The following EXOC2 variants were observed in gnomAD, a reference collection of about 807,000 sequenced individuals.
EXOC2 encodes the protein exocyst complex component 2.
Under a neutral mutation model 131.8 loss-of-function variants are expected in EXOC2, and 70 were observed. The observed-to-expected ratio is 0.53, with a 90% CI of 0.44 to 0.65. The LOEUF is 0.65. EXOC2 is among the 30% of genes least tolerant of loss of function. The pLI, the probability that EXOC2 is intolerant of heterozygous loss-of-function variation, is 0.00. For synonymous variants in EXOC2, 411 were observed against 398.4 expected (o/e 1.03, Z -0.38); for missense variants, 923 against 1,108.6 (o/e 0.83, Z 2.38).
At chr6:493,510 T>C (rs1036372753) in intron 25 of EXOC2, among the ~76,000 whole-genome samples, 3 of 152,216 alleles carry the variant, frequency 2.0e-5, no homozygotes, top group African/African-American at 4.8e-5. Context: ...CTGTAAGTTA[T>C]GCCAATTATA....
chr6:503,712 G>C (rs1341769767), intron 23 of EXOC2, among the ~76,000 whole-genome samples: 1 of 152,152 alleles, frequency 6.6e-6, no homozygotes, highest in African/African-American at 2.4e-5. Context: ...GAAGGGCAAA[G>C]GGCCTAGAGA....
In EXOC2 at chr6:642,009, G is replaced by A. The variant is rs189400227; in HGVS notation, c.-43-4148C>T. 1.1e-4 allele frequency among the ~76,000 whole-genome samples: 16 copies of A among 152,220 alleles called. No individual in the cohort carries two copies. In the East Asian group the frequency reaches 3.1e-3, roughly 29 times the overall value. ...CACATCCCGTTCAAAGCCTGTCACA[G>A]CTAGACCCGTCCACACTGCCTACTT... On this transcript the variant is annotated intron_variant, in intron 1 of 27. Transcript: ENST00000230449.
intron 23 of EXOC2, among the ~76,000 whole-genome samples, chr6:504,641 A>G (rs1241720487): frequency 1.3e-5 from 2 of 152,168 alleles, no homozygotes; most frequent in East Asian, 1.9e-4. Flanking sequence ...CACCAATCGT[A>G]TGACCTTCCA....
intron 12 of EXOC2, among the ~76,000 whole-genome samples, chr6:574,207 G>A (rs1475022725): frequency 2.0e-5 from 3 of 152,162 alleles, no homozygotes; most frequent in Admixed American, 2.0e-4. Context: ...ATATCATTTA[G>A]CACATGCTCA....
At chr6:525,899 C>T (rs1253387740) in intron 23 of EXOC2, among the ~76,000 whole-genome samples, 3 of 152,126 alleles carry the variant, frequency 2.0e-5, no homozygotes, top group Admixed American at 2.0e-4. Flanking sequence ...ATTTACTTAT[C>T]CATCTATCCA....
intron 1 of EXOC2, among the ~76,000 whole-genome samples, chr6:682,200 T>C (rs980539993): frequency 3.3e-5 from 3 of 91,276 alleles, no homozygotes; most frequent in African/African-American, 8.3e-5. Flanking sequence ...TCCCAGTTTC[T>C]TTTTTTTTTT....
At chr6:678,436 C>T (rs1046080964) in intron 1 of EXOC2, among the ~76,000 whole-genome samples, 3 of 152,190 alleles carry the variant, frequency 2.0e-5, no homozygotes, top group African/African-American at 7.2e-5. Context: ...ACCATTCATG[C>T]ATCAAAAACC....
intron 23 of EXOC2, among the ~76,000 whole-genome samples, chr6:526,905 A>T (rs1046247643): frequency 1.3e-5 from 2 of 152,220 alleles, no homozygotes; most frequent in Non-Finnish European, 2.9e-5. Context: ...CTTCATCTAT[A>T]AAATGAGAAT....
At chr6:498,147 C>G (rs997215584) in intron 24 of EXOC2, among the ~76,000 whole-genome samples, 1 of 152,096 alleles carries the variant, frequency 6.6e-6, no homozygotes, top group African/African-American at 2.4e-5. Context: ...CAGATTGAGC[C>G]ACTAGCATTA....
chr6:489,732 C>G (rs1763310751), intron 26 of EXOC2, among the ~76,000 whole-genome samples: 1 of 152,182 alleles, frequency 6.6e-6, no homozygotes, highest in Non-Finnish European at 1.5e-5. Flanking sequence ...TTTTATCTCT[C>G]TTATGATTGG....
chr6:685,525 T>C (rs895129473), intron 1 of EXOC2, among the ~76,000 whole-genome samples: 1 of 152,186 alleles, frequency 6.6e-6, no homozygotes, highest in African/African-American at 2.4e-5. Flanking sequence ...CAGTTCTCTA[T>C]AAACACAGAC....
intron 26 of EXOC2, 130 bp from the exon 27 acceptor site, chr6:489,168 AAGTGAAAAACAATAG>A (rs1763274123): frequency 1.1e-6 from 1 of 869,982 alleles, no homozygotes; most frequent in Non-Finnish European, 1.7e-6. Context: ...GAAAAAGTAA[AAGTGAAAAACAATAG>A]AAAAAGTAAA....
intron 11 of EXOC2, among the ~76,000 whole-genome samples, chr6:577,960 T>C (rs966970283): frequency 1.3e-5 from 2 of 152,224 alleles, no homozygotes; most frequent in Non-Finnish European, 2.9e-5. Flanking sequence ...TGAGAATGTA[T>C]ATAATTTATG....
chr6:607,675 T>C (rs1263504020), intron 7 of EXOC2, among the ~76,000 whole-genome samples: 1 of 152,260 alleles, frequency 6.6e-6, no homozygotes, highest in African/African-American at 2.4e-5. Flanking sequence ...ATTTTCATCA[T>C]TGCAGAAATT....
intron 1 of EXOC2, chr6:656,956 G>A (rs372232801): frequency 6.0e-6 from 9 of 1,508,814 alleles, no homozygotes; most frequent in Non-Finnish European, 8.0e-6. Context: ...ATGCCACAGG[G>A]AAGGCAGCTG....
intron 11 of EXOC2, among the ~76,000 whole-genome samples, chr6:585,933 G>T (rs1159755849): frequency 6.6e-6 from 1 of 152,092 alleles, no homozygotes; most frequent in African/African-American, 2.4e-5. Context: ...TTATAATAAA[G>T]GAACTACTTA....
intron 21 of EXOC2, among the ~76,000 whole-genome samples, chr6:550,696 A>C (rs1321825504): frequency 1.3e-5 from 2 of 152,196 alleles, no homozygotes; most frequent in Non-Finnish European, 2.9e-5. Flanking sequence ...AGGACGCTAC[A>C]TTCCCCTCCA....
intron 1 of EXOC2, among the ~76,000 whole-genome samples, chr6:678,399 C>A (rs1422175866): frequency 1.3e-5 from 2 of 152,080 alleles, no homozygotes; most frequent in Non-Finnish European, 2.9e-5. Context: ...ACTTTAAAGG[C>A]CAAAATAAAA....
At chr6:586,131 T>C (rs1208572877) in intron 11 of EXOC2, among the ~76,000 whole-genome samples, 1 of 152,204 alleles carries the variant, frequency 6.6e-6, no homozygotes, top group Non-Finnish European at 1.5e-5. Context: ...GCTCTAGCCT[T>C]CAGTAGACAG....
Sources: gnomAD v4.1 joint callset for allele counts (sites outside exome capture counted in the v4.1 genomes callset) on GRCh38, gnomAD v4.1.1 for gene constraint, MANE v1.5 for transcripts, NCBI Gene and HGNC (gene_info 2026-07-23, HGNC 2026-07-21) for gene names.